The following PALM2AKAP2 variants were observed in gnomAD, a reference collection of about 807,000 sequenced individuals.
The protein encoded by PALM2AKAP2 is PALM2-AKAP2 fusion protein.
PALM2AKAP2 carries 37 observed loss-of-function variants against 71.5 expected under a neutral mutation model. That is an observed-to-expected ratio of 0.52 (90% confidence interval 0.40 to 0.68). The LOEUF (loss-of-function observed/expected upper bound fraction) is 0.68. Among genes scored for constraint, PALM2AKAP2 ranks in the 30% least tolerant of loss-of-function variants. The probability of loss-of-function intolerance (pLI) is 0.00; values close to 1 mark genes in which losing one functional copy is unlikely to be tolerated. For synonymous variants in PALM2AKAP2, 468 were observed against 478.8 expected, an observed-to-expected ratio of 0.98 and a Z score of 0.29; for missense variants, 1,224 against 1,191.8, an observed-to-expected ratio of 1.03 and a Z score of -0.40.
chr9:110,119,384 T>TC (rs1217874715), intron 1 of PALM2AKAP2, among the ~76,000 whole-genome samples: 2 of 151,634 alleles, frequency 1.3e-5, no homozygotes, highest in Non-Finnish European at 2.9e-5. Flanking sequence ...AGATAACAGT[T>TC]CCCTATTAAT....
intron 7 of PALM2AKAP2, chr9:110,025,401 T>G (rs1564266667): frequency 1.9e-6 from 1 of 514,822 alleles, no homozygotes; most frequent in Non-Finnish European, 3.4e-6. Context: ...CCGAAAGGCT[T>G]TTTTTTTTTT....
At chr9:109,761,050 G>A (rs1024878355) in intron 1 of PALM2AKAP2, among the ~76,000 whole-genome samples, 9 of 152,182 alleles carry the variant, frequency 5.9e-5, no homozygotes, top group Non-Finnish European at 1.3e-4. Flanking sequence ...GACCACTCCA[G>A]AGGTAACCTT....
At position 109,996,279 on chromosome 9, in the gene PALM2AKAP2, T is replaced by C. The variant is rs138402343; in HGVS notation, c.497-19675T>C. ...AGAGTATGTGGAGAATATAACAGGA[T>C]CTTTTATTGGACCTGGAAAGGGGCC... On this transcript the variant is annotated intron_variant, in intron 6 of 9. Coordinates refer to the PALM2AKAP2 transcript ENST00000302798. 3.3e-3 allele frequency among the ~76,000 whole-genome samples: 497 copies of C among 152,306 alleles called. 3 individuals are homozygous for C. The highest frequency in any genetic ancestry group is 0.011 in the African/African-American group (459 of 41,562).
intron 1 of PALM2AKAP2, among the ~76,000 whole-genome samples, chr9:109,704,400 T>C (rs1293597789): frequency 6.6e-6 from 1 of 152,210 alleles, no homozygotes; most frequent in Non-Finnish European, 1.5e-5. Flanking sequence ...AATTCACTTG[T>C]ATAAATGTGT....
intron 1 of PALM2AKAP2, among the ~76,000 whole-genome samples, chr9:110,126,470 C>T (rs1366316852): frequency 6.6e-6 from 1 of 152,216 alleles, no homozygotes; most frequent in Non-Finnish European, 1.5e-5. Flanking sequence ...CCTCTGTGGC[C>T]TTGAGCTTGG....
At chr9:110,085,757 T>C (rs921031656) in intron 1 of PALM2AKAP2, among the ~76,000 whole-genome samples, 3 of 152,034 alleles carry the variant, frequency 2.0e-5, no homozygotes, top group African/African-American at 7.2e-5. Flanking sequence ...AACTGATAAA[T>C]AGAAAGCAAG....
intron 1 of PALM2AKAP2, among the ~76,000 whole-genome samples, chr9:109,856,442 T>A (rs1829167441): frequency 6.6e-6 from 1 of 152,216 alleles, no homozygotes; most frequent in Non-Finnish European, 1.5e-5. Context: ...GAAAGTAAGC[T>A]GAAGGGCAGG....
Position 110,039,167 on chromosome 9 carries a change from C to T in PALM2AKAP2, c.582+23128C>T, listed in dbSNP as rs576690839. Among the ~76,000 whole-genome samples the T allele has an allele frequency of 6.5e-4, 99 of 151,926 alleles. 2 individuals carry two copies. In the South Asian group the frequency reaches 6.7e-3, roughly 10 times the overall value. ...AGGAGGCTGAGGTGGGAGGATCACT[C>T]GAGCCCAGGAAGTTGAGGCTGCAGT... is the stretch of plus-strand genomic sequence containing the variant. On this transcript the variant is annotated intron_variant, in intron 7 of 9. Coordinates refer to the PALM2AKAP2 transcript ENST00000302798.
At chr9:109,834,212 C>CAAACAAAACA (rs767305862) in intron 1 of PALM2AKAP2, among the ~76,000 whole-genome samples, 84 of 152,238 alleles carry the variant, frequency 5.5e-4, no homozygotes, top group African/African-American at 2.0e-3. Context: ...GACTCCATTT[C>CAAACAAAACA]AAACAAAACA....
chr9:109,856,524 G>C (rs1829170630), intron 1 of PALM2AKAP2, among the ~76,000 whole-genome samples: 1 of 152,218 alleles, frequency 6.6e-6, no homozygotes, highest in Non-Finnish European at 1.5e-5. Flanking sequence ...ATGCATAAAG[G>C]ACTAATAGGA....
intron 1 of PALM2AKAP2, among the ~76,000 whole-genome samples, chr9:109,789,302 C>A (rs1475280802): frequency 6.6e-6 from 1 of 152,142 alleles, no homozygotes; most frequent in Non-Finnish European, 1.5e-5. Flanking sequence ...GCCTGGTGGC[C>A]CCTTCTCCAG....
intron 3 of PALM2AKAP2, among the ~76,000 whole-genome samples, chr9:109,905,115 TG>T (rs1830417861): frequency 1.3e-5 from 2 of 152,206 alleles, no homozygotes; most frequent in Admixed American, 6.5e-5. Context: ...ACATAATAGC[TG>T]TTGTAAAATA....
chr9:110,105,195 C>T (rs1835087980), intron 1 of PALM2AKAP2, among the ~76,000 whole-genome samples: 1 of 152,202 alleles, frequency 6.6e-6, no homozygotes, highest in African/African-American at 2.4e-5. Context: ...AGCTCAAACG[C>T]ATATGTTCTC....
intron 2 of PALM2AKAP2, among the ~76,000 whole-genome samples, chr9:109,874,597 G>A (rs2131730834): frequency 6.6e-6 from 1 of 152,296 alleles, no homozygotes; most frequent in South Asian, 2.1e-4. Context: ...ATATATGACT[G>A]CCAAATTGAG....
intron 3 of PALM2AKAP2, among the ~76,000 whole-genome samples, chr9:109,900,792 T>C (rs1830310542): frequency 6.6e-6 from 1 of 152,190 alleles, no homozygotes; most frequent in South Asian, 2.1e-4. Flanking sequence ...CATTTGACAT[T>C]AGAAGATCTC....
intron 1 of PALM2AKAP2, among the ~76,000 whole-genome samples, chr9:110,133,177 A>G (rs890056325): frequency 6.6e-6 from 1 of 152,244 alleles, no homozygotes; most frequent in Non-Finnish European, 1.5e-5. Context: ...CTCATTCATC[A>G]TCGAGCACTT....
At chr9:110,070,356 A>C in intron 1 of PALM2AKAP2, among the ~76,000 whole-genome samples, 1 of 152,248 alleles carries the variant, frequency 6.6e-6, no homozygotes, top group East Asian at 1.9e-4. Flanking sequence ...AAACTATTTT[A>C]TATTGTTTGG....
At chr9:109,799,733 A>G (rs985177142) in intron 1 of PALM2AKAP2, among the ~76,000 whole-genome samples, 4 of 152,184 alleles carry the variant, frequency 2.6e-5, no homozygotes, top group Non-Finnish European at 5.9e-5. Flanking sequence ...GGGCTCAAAC[A>G]GTCCACCTGC....
intron 7 of PALM2AKAP2, among the ~76,000 whole-genome samples, chr9:110,041,151 T>G (rs1479114888): frequency 1.3e-5 from 2 of 152,190 alleles, no homozygotes; most frequent in Non-Finnish European, 2.9e-5. Flanking sequence ...CCATCTTGCT[T>G]TCTTCACCAG....
Sources: allele counts gnomAD v4.1 joint callset (sites outside exome capture counted in the v4.1 genomes callset), GRCh38; gene constraint gnomAD v4.1.1; transcripts MANE v1.5; gene names NCBI Gene and HGNC (gene_info 2026-07-23, HGNC 2026-07-21).